The following DISP3 variants were observed in gnomAD, a reference collection of about 807,000 sequenced individuals.
The protein encoded by DISP3 is dispatched RND transporter family member 3.
Under a neutral mutation model 135.3 loss-of-function variants are expected in DISP3, and 101 were observed. That is an observed-to-expected ratio of 0.75 (90% confidence interval 0.64 to 0.88). The LOEUF is 0.88. Ranked by LOEUF, DISP3 falls within the 40% of genes least tolerant of loss-of-function variation. DISP3 has a pLI of 0.00. For missense variants in DISP3, 1,713 were observed against 1,878.6 expected (o/e 0.91, Z 1.63); for synonymous variants, 856 against 817.0 (o/e 1.05, Z -0.81).
In DISP3 at chr1:11,517,492, C is replaced by T; in HGVS notation, c.1779C>T (p.Phe593=). Residue 593 remains phenylalanine, a synonymous_variant, in exon 7 of 21, where the codon TTC becomes TTT. Coordinates refer to ENST00000294484, the MANE Select transcript of DISP3 (RefSeq NM_020780.2). ...QIPAVHDFGL[F]MSLIVSCCWL... ...CAGCCGTCCACGACTTTGGCCTGTT[C>T]ATGTCTCTCATCGTGTCCTGTTGCT... The T allele has an allele frequency of 1.2e-6, 2 of 1,614,236 alleles. No individual in the cohort carries two copies. The highest frequency in any genetic ancestry group is 1.7e-6 in the Non-Finnish European group (2 of 1,180,050).
chr1:11,490,843 A>T (rs1641164232), intron 1 of DISP3, among the ~76,000 whole-genome samples: 1 of 152,182 alleles, frequency 6.6e-6, no homozygotes, highest in African/African-American at 2.4e-5. Context: ...ATCAGACGTG[A>T]TATAAATAAA....
chr1:11,501,771 G>C lies in DISP3; in HGVS notation c.779G>C (p.Arg260Pro), dbSNP rs113535064. 272 of 1,593,870 alleles carry C rather than the reference G, an allele frequency of 1.7e-4. No individual in the cohort carries two copies. Among genetic ancestry groups the C allele is most frequent in the Non-Finnish European group, 2.3e-4 (269 of 1,168,036 alleles). ...RRGASRWDYS[R>P]AYVSANTQTH... ...GGCGCCTCGCGCTGGGACTACTCGC[G>C]CGCCTATGTGAGTGCCAACACTCAG... The change falls in exon 2 of 21, where the codon CGC becomes CCC. Residue 260 changes from arginine to proline, a missense_variant. Arg to Pro is a moderately radical substitution (Grantham distance 103). Transcript: ENST00000294484. The surrounding 1 kb of genome is among the most constrained non-coding windows in gnomAD (Gnocchi z 4.9).
In DISP3 at chr1:11,516,898, T is replaced by C. The variant is rs1642028321; in HGVS notation, c.1750-565T>C. Among the ~76,000 whole-genome samples the C allele has an allele frequency of 1.3e-5, 2 of 152,176 alleles. No individual in the cohort carries two copies. Among genetic ancestry groups the C allele is most frequent in the East Asian group, 1.9e-4 (1 of 5,200 alleles). ...ACCTCTCTGAGCCTCGCTTTCCTCATGTGTGGATTATCCAGGGACTGAGAT... is the reference window on the plus strand; with the variant it reads ...ACCTCTCTGAGCCTCGCTTTCCTCACGTGTGGATTATCCAGGGACTGAGAT... On this transcript the variant is annotated intron_variant, in intron 6 of 20. Transcript: ENST00000294484. The surrounding 1 kb of genome is among the most constrained non-coding windows in gnomAD (Gnocchi z 5.1).
rs1642016168 is a variant in DISP3, at chr1:11,516,474, A to C, written c.1749+313A>C. Among the ~76,000 whole-genome samples the C allele has an allele frequency of 6.6e-6, 1 of 152,242 alleles. No homozygotes were observed. Among genetic ancestry groups the C allele is most frequent in the Non-Finnish European group, 1.5e-5 (1 of 68,046 alleles). On this transcript the variant is annotated intron_variant, in intron 6 of 20. Transcript: ENST00000294484. The surrounding 1 kb of genome is among the most constrained non-coding windows in gnomAD (Gnocchi z 5.1). The stretch of plus-strand genomic sequence containing the variant: ...TCTTCATTACCACGGTAATTGACAA[A>C]GGTACAATTACCATCCTATTTTCCA...
chr1:11,526,372 G>A (rs929099986), intron 12 of DISP3, among the ~76,000 whole-genome samples: 38 of 152,356 alleles, frequency 2.5e-4, no homozygotes, highest in African/African-American at 6.5e-4. Flanking sequence ...GTCAGGGACC[G>A]TGCCCCTCAG....
Position 11,501,995 on chromosome 1 carries a change from C to T in DISP3, c.1003C>T (p.Pro335Ser). The T allele has an allele frequency of 1.2e-6, 2 of 1,613,438 alleles. No individual in the cohort carries two copies. The highest frequency in any genetic ancestry group is 1.7e-5 in the Admixed American group (1 of 59,946). Residue 335 changes from proline (P) to serine (S), a missense_variant, in exon 2 of 21, where the codon CCC becomes TCC. Transcript: ENST00000294484. This position sits in a 1 kb window ranked among gnomAD's most constrained non-coding sequence, Gnocchi z 4.9. ...LPLGSYSYCS[P>S]PSSLMTYFFP... ...GCTGGGCTCCTACTCCTACTGCTCGCCCCCCAGCTCGCTCATGACCTACTT... is the reference window on the plus strand; with the variant it reads ...GCTGGGCTCCTACTCCTACTGCTCGTCCCCCAGCTCGCTCATGACCTACTT...
chr1:11,520,650 G>T lies in DISP3; in HGVS notation c.2201-37G>T, dbSNP rs1180153328. 1.9e-6 allele frequency: 3 copies of T among 1,600,076 alleles called. No individual in the cohort carries two copies. In the African/African-American group the frequency reaches 4.0e-5, roughly 21 times the overall value. ...GCCCCACTGGGAACAGACCAGCTGGGCCCAGCCCCGCCTGGTGTAGCGCCC... is the reference window on the plus strand; with the variant it reads ...GCCCCACTGGGAACAGACCAGCTGGTCCCAGCCCCGCCTGGTGTAGCGCCC... On this transcript the variant is annotated intron_variant, in intron 9 of 20. Transcript: ENST00000294484. This position sits in a 1 kb window ranked among gnomAD's most constrained non-coding sequence, Gnocchi z 4.8.
At chr1:11,486,787 C>G (rs1267485392) in intron 1 of DISP3, among the ~76,000 whole-genome samples, 1 of 152,114 alleles carries the variant, frequency 6.6e-6, no homozygotes, top group Non-Finnish European at 1.5e-5. Flanking sequence ...AAGCAATCCT[C>G]CCCCGTCAGC....
chr1:11,523,804 C>T, intron 10 of DISP3, 138 bp from the exon 11 acceptor site: 1 of 612,692 alleles, frequency 1.6e-6, no homozygotes, highest in Non-Finnish European at 2.9e-6. Context: ...TCTTTCTGAC[C>T]CCTGACACCC....
In DISP3 at chr1:11,513,580, C is replaced by T. The variant is rs1641918274; in HGVS notation, c.1317-810C>T. ...TTTTCTTTTGGTCACTATTTTTGAG[C>T]AATTTGGTTATGATGTGCATTGCAG... On this transcript the variant is annotated intron_variant, in intron 3 of 20. Coordinates refer to ENST00000294484, the MANE Select transcript of DISP3 (RefSeq NM_020780.2). Among the ~76,000 whole-genome samples, 2 of 151,910 alleles carry T rather than the reference C, an allele frequency of 1.3e-5. 1 individual carries two copies. The highest frequency in any genetic ancestry group is 2.9e-5 in the Non-Finnish European group (2 of 68,038).
At chr1:11,497,386 T>C (rs762417495) in intron 1 of DISP3, among the ~76,000 whole-genome samples, 6 of 142,722 alleles carry the variant, frequency 4.2e-5, no homozygotes, top group Non-Finnish European at 9.2e-5. Flanking sequence ...CCAAAATCCA[T>C]TGTATCATTC....
chr1:11,493,698 T>C (rs1641250340), intron 1 of DISP3, among the ~76,000 whole-genome samples: 1 of 151,568 alleles, frequency 6.6e-6, no homozygotes, highest in Non-Finnish European at 1.5e-5. Context: ...CACTCAAGCC[T>C]GGGCAACAGA....
At chr1:11,514,326 A>C (rs1641940186) in intron 3 of DISP3, 64 bp from the exon 4 acceptor site, 1 of 1,519,822 alleles carries the variant, frequency 6.6e-7, no homozygotes, top group Non-Finnish European at 9.1e-7. Context: ...ACATGTTCAC[A>C]TGTTCACAGC....
intron 1 of DISP3, among the ~76,000 whole-genome samples, chr1:11,497,647 C>G (rs970038861): frequency 1.3e-5 from 2 of 152,232 alleles, no homozygotes; most frequent in Admixed American, 6.5e-5. Context: ...CTCGGCCTCC[C>G]AGAGTGCCGG....
chr1:11,507,447 T>G (rs1307156023), intron 3 of DISP3, among the ~76,000 whole-genome samples: 3 of 152,240 alleles, frequency 2.0e-5, no homozygotes, highest in Non-Finnish European at 4.4e-5. Context: ...TAGGTTTTTT[T>G]GGCTTCAGGC....
At chr1:11,512,270 A>T (rs1174832317) in intron 3 of DISP3, among the ~76,000 whole-genome samples, 8 of 151,328 alleles carry the variant, frequency 5.3e-5, no homozygotes, top group Admixed American at 4.6e-4. Flanking sequence ...TTTTTTTTCC[A>T]TTGCATTGTC....
chr1:11,515,862 C>T, intron 5 of DISP3, 139 bp from the exon 6 acceptor site: 1 of 1,050,628 alleles, frequency 9.5e-7, no homozygotes, highest in Non-Finnish European at 1.4e-6. Flanking sequence ...AGGGGTCTCT[C>T]CAAACTGTAA....
chr1:11,520,371 T>G lies in DISP3; in HGVS notation c.2201-316T>G, dbSNP rs1557613115. ...GTCATCTTCGACACTATTTCAGAGT[T>G]GTGTGAGATCAAGTAGTGCACCAGC... On this transcript the variant is annotated intron_variant, in intron 9 of 20. Coordinates refer to ENST00000294484, the MANE Select transcript of DISP3 (RefSeq NM_020780.2). The surrounding 1 kb of genome is among the most constrained non-coding windows in gnomAD (Gnocchi z 4.8). 6.6e-6 allele frequency among the ~76,000 whole-genome samples: 1 copy of G among 152,164 alleles called. No individual in the cohort carries two copies.
chr1:11,488,669 T>TG (rs1293557612), intron 1 of DISP3, among the ~76,000 whole-genome samples: 5 of 101,692 alleles, frequency 4.9e-5, no homozygotes, highest in South Asian at 6.7e-4. Context: ...GTGTGTGTGT[T>TG]TGCAGACACG....
Sources: gnomAD v4.1 joint callset for allele counts (sites outside exome capture counted in the v4.1 genomes callset) on GRCh38, gnomAD v4.1.1 for gene constraint, Gnocchi (gnomAD v3.1) non-coding constraint, MANE v1.5 for transcripts, NCBI Gene and HGNC (gene_info 2026-07-23, HGNC 2026-07-21) for gene names.